PTPRD: variants seen among roughly 807,000 people sequenced by gnomAD.
PTPRD encodes receptor-type tyrosine-protein phosphatase delta.
Under a neutral mutation model 214.5 loss-of-function variants are expected in PTPRD, and 34 were observed. The ratio of observed to expected loss-of-function variants is 0.16; its 90% CI spans 0.12 to 0.21. PTPRD has a LOEUF of 0.21. Ranked by LOEUF, PTPRD falls within the 10% of genes least tolerant of loss-of-function variation. PTPRD has a pLI of 1.00. For synonymous variants in PTPRD, 1,128 were observed against 845.7 expected (o/e 1.33, Z -5.79); for missense variants, 2,545 against 2,398.7 (o/e 1.06, Z -1.27).
At chr9:9,872,534 G>A (rs1315777338) in intron 5 of PTPRD, among the ~76,000 whole-genome samples, 2 of 151,970 alleles carry the variant, frequency 1.3e-5, no homozygotes, top group African/African-American at 2.4e-5. Context: ...CGAGGATATC[G>A]AGGCTATAGT....
At chr9:8,435,614 G>A (rs980362521) in intron 35 of PTPRD, among the ~76,000 whole-genome samples, 8 of 151,852 alleles carry the variant, frequency 5.3e-5, no homozygotes, top group African/African-American at 1.9e-4. Context: ...GCATTAATTG[G>A]CTTCATTAAG....
At chr9:10,424,414 T>C (rs1228522412) in intron 2 of PTPRD, among the ~76,000 whole-genome samples, 2 of 151,752 alleles carry the variant, frequency 1.3e-5, no homozygotes, top group African/African-American at 2.4e-5. Flanking sequence ...ACAGCAACTT[T>C]CCATAAATGA....
intron 11 of PTPRD, among the ~76,000 whole-genome samples, chr9:8,965,399 T>A (rs1007502243): frequency 4.1e-5 from 6 of 146,190 alleles, no homozygotes; most frequent in African/African-American, 5.1e-5. Context: ...AAAAAAAAAA[T>A]TCTTAGTTTT....
chr9:10,573,555 G>A (rs2132057957), intron 2 of PTPRD, among the ~76,000 whole-genome samples: 1 of 152,218 alleles, frequency 6.6e-6, no homozygotes, highest in East Asian at 1.9e-4. Flanking sequence ...GGCTCAGGAA[G>A]ACTGACACAC....
At chr9:8,892,773 G>T (rs1193861771) in intron 11 of PTPRD, among the ~76,000 whole-genome samples, 5 of 151,178 alleles carry the variant, frequency 3.3e-5, no homozygotes, top group African/African-American at 1.2e-4. Flanking sequence ...AAGCTCAGAA[G>T]AAAGAACCAC....
At chr9:8,819,954 C>T (rs2097015480) in intron 11 of PTPRD, among the ~76,000 whole-genome samples, 1 of 152,092 alleles carries the variant, frequency 6.6e-6, no homozygotes, top group Non-Finnish European at 1.5e-5. Context: ...CATCCCCTGA[C>T]AATTGAGTTG....
intron 2 of PTPRD, among the ~76,000 whole-genome samples, chr9:10,453,608 G>C (rs896349397): frequency 6.6e-6 from 1 of 151,418 alleles, no homozygotes; most frequent in Non-Finnish European, 1.5e-5. Flanking sequence ...GCATTTCATT[G>C]TTAGTGTATT....
chr9:8,730,918 C>T (rs1022242565), intron 12 of PTPRD, among the ~76,000 whole-genome samples: 1 of 137,010 alleles, frequency 7.3e-6, no homozygotes, highest in Non-Finnish European at 1.6e-5. Context: ...AAACAACAAG[C>T]AAAATCATCT....
intron 2 of PTPRD, among the ~76,000 whole-genome samples, chr9:10,436,151 T>C (rs753941760): frequency 3.3e-5 from 5 of 151,804 alleles, no homozygotes; most frequent in Non-Finnish European, 7.4e-5. Context: ...CATTAGAAGA[T>C]GATAATATGT....
chr9:9,939,618 A>G lies in PTPRD; in HGVS notation c.-471-1008T>C, dbSNP rs149011589. Among the ~76,000 whole-genome samples, 811 of 152,244 alleles carry G rather than the reference A, an allele frequency of 5.3e-3. 33 individuals carry two copies. Among genetic ancestry groups the G allele is most frequent in the Admixed American group, 0.051 (780 of 15,276 alleles). On this transcript the variant is annotated intron_variant, in intron 4 of 45. Transcript: ENST00000381196. ...CCTCTTGTTGTACCTACTTGGTATT[A>G]ATTGCTTGCTTGGATCATCACCTGA... is the stretch of plus-strand genomic sequence containing the variant.
At chr9:8,996,784 A>T (rs2099398535) in intron 11 of PTPRD, among the ~76,000 whole-genome samples, 1 of 152,014 alleles carries the variant, frequency 6.6e-6, no homozygotes, top group South Asian at 2.1e-4. Context: ...CACCTCCCCA[A>T]GGCCCTACCT....
At chr9:8,976,127 A>G (rs2099266742) in intron 11 of PTPRD, among the ~76,000 whole-genome samples, 1 of 151,942 alleles carries the variant, frequency 6.6e-6, no homozygotes, top group African/African-American at 2.4e-5. Context: ...ATGTCATTAT[A>G]TCTCACTTCA....
At chr9:10,551,426 A>C (rs1006840265) in intron 2 of PTPRD, among the ~76,000 whole-genome samples, 3 of 152,124 alleles carry the variant, frequency 2.0e-5, no homozygotes, top group African/African-American at 7.2e-5. Context: ...ATGTTCCTCA[A>C]AAATATATAT....
chr9:9,087,399 T>C (rs1343354693), intron 10 of PTPRD, among the ~76,000 whole-genome samples: 3 of 152,126 alleles, frequency 2.0e-5, no homozygotes. Flanking sequence ...TACCGATAAG[T>C]TCAAGAATGA....
intron 5 of PTPRD, among the ~76,000 whole-genome samples, chr9:9,921,788 T>C (rs2082621358): frequency 1.3e-5 from 2 of 151,168 alleles, no homozygotes; most frequent in South Asian, 2.1e-4. Flanking sequence ...GAAAAGACAA[T>C]AGTGTAATTG....
intron 4 of PTPRD, among the ~76,000 whole-genome samples, chr9:10,019,021 C>T (rs1264118649): frequency 2.6e-5 from 4 of 152,066 alleles, no homozygotes; most frequent in African/African-American, 9.7e-5. Context: ...TTTTTGCAAT[C>T]TACTCATCTG....
intron 5 of PTPRD, among the ~76,000 whole-genome samples, chr9:9,797,722 T>C (rs1598136160): frequency 1.3e-5 from 2 of 150,706 alleles, no homozygotes; most frequent in African/African-American, 4.9e-5. Flanking sequence ...GGCAGGCACC[T>C]GTAATCCCAG....
chr9:9,900,935 G>A (rs2076256469), intron 5 of PTPRD, among the ~76,000 whole-genome samples: 1 of 152,022 alleles, frequency 6.6e-6, no homozygotes, highest in African/African-American at 2.4e-5. Context: ...ACTCCTTGGT[G>A]CCAATTTTAT....
chr9:9,004,765 A>C (rs1169506405), intron 11 of PTPRD, among the ~76,000 whole-genome samples: 1 of 152,062 alleles, frequency 6.6e-6, no homozygotes, highest in African/African-American at 2.4e-5. Context: ...CATAAAACTC[A>C]TGTCTTTTGG....
Sources: allele counts gnomAD v4.1 joint callset (sites outside exome capture counted in the v4.1 genomes callset), GRCh38; gene constraint gnomAD v4.1.1; transcripts MANE v1.5; gene names NCBI Gene and HGNC (gene_info 2026-07-23, HGNC 2026-07-21).